The following RALGAPA2 variants were observed in gnomAD, a reference collection of about 807,000 sequenced individuals.
RALGAPA2 encodes Ral GTPase activating protein catalytic subunit alpha 2, also known as ral GTPase-activating protein subunit alpha-2.
RALGAPA2 carries 139 observed loss-of-function variants against 230.4 expected under a neutral mutation model. The ratio of observed to expected loss-of-function variants is 0.60; its 90% confidence interval spans 0.53 to 0.69. The LOEUF (loss-of-function observed/expected upper bound fraction) is 0.69. Ranked by LOEUF, RALGAPA2 falls within the 30% of genes least tolerant of loss-of-function variation. The probability of loss-of-function intolerance (pLI) is 0.00; values close to 1 mark genes in which losing one functional copy is unlikely to be tolerated. For synonymous variants in RALGAPA2, 847 were observed against 837.8 expected (o/e 1.01, Z -0.19); for missense variants, 2,163 against 2,276.0 (o/e 0.95, Z 1.01).
chr20:20,619,653 GT>G (rs1411976729), intron 11 of RALGAPA2, among the ~76,000 whole-genome samples: 3 of 152,172 alleles, frequency 2.0e-5, no homozygotes, highest in South Asian at 4.1e-4. Context: ...AATGAGTTGT[GT>G]TTGTCCAATG....
intron 7 of RALGAPA2, among the ~76,000 whole-genome samples, chr20:20,639,009 C>T (rs933570003): frequency 6.6e-6 from 1 of 152,146 alleles, no homozygotes; most frequent in African/African-American, 2.4e-5. Context: ...TAAATCCCCT[C>T]GAAGAATGAG....
At chr20:20,553,516 C>T (rs1356815252) in intron 23 of RALGAPA2, among the ~76,000 whole-genome samples, 1 of 152,086 alleles carries the variant, frequency 6.6e-6, no homozygotes, top group Non-Finnish European at 1.5e-5. Flanking sequence ...TGTAAGACTG[C>T]ATTCCAGCCC....
intron 10 of RALGAPA2, among the ~76,000 whole-genome samples, chr20:20,628,538 T>C (rs1466041040): frequency 2.0e-5 from 3 of 151,626 alleles, no homozygotes; most frequent in Non-Finnish European, 4.4e-5. Context: ...GTACTGAGTT[T>C]CTCCACAGCA....
chr20:20,696,151 G>A (rs937022808), intron 1 of RALGAPA2, among the ~76,000 whole-genome samples: 13 of 152,056 alleles, frequency 8.5e-5, no homozygotes, highest in Admixed American at 2.6e-4. Flanking sequence ...AAGTGTTTCC[G>A]TCCTGTCTTC....
At chr20:20,453,541 G>A (rs902902586) in intron 37 of RALGAPA2, among the ~76,000 whole-genome samples, 3 of 152,020 alleles carry the variant, frequency 2.0e-5, no homozygotes, top group Non-Finnish European at 4.4e-5. Flanking sequence ...GCTCTTTTCC[G>A]CTGAAAGTCG....
At position 20,390,755 on chromosome 20, in the gene RALGAPA2, C is replaced by T. The variant is rs2059589913; in HGVS notation, c.*2534G>A. On this transcript the variant is annotated 3_prime_UTR_variant, in exon 40 of 40. Transcript: ENST00000202677. ...CCACCCCAGATAACAAAAACAACTCCAGTCCACGTGATCACGAGAAACGTG... is the reference window on the plus strand; with the variant it reads ...CCACCCCAGATAACAAAAACAACTCTAGTCCACGTGATCACGAGAAACGTG... 2 of 152,182 alleles carry T rather than the reference C, an allele frequency of 1.3e-5. No individual in the cohort carries two copies. The highest frequency in any genetic ancestry group is 4.8e-5 in the African/African-American group (2 of 41,426). The allele number at this position is 152,182 out of a possible 1,614,324, so 9.4% of individuals were successfully genotyped here.
chr20:20,618,026 AT>A (rs902037735), intron 12 of RALGAPA2, among the ~76,000 whole-genome samples: 17 of 152,082 alleles, frequency 1.1e-4, no homozygotes, highest in Admixed American at 3.3e-4. Flanking sequence ...ATATAAAAAA[AT>A]TTTTTTTCTC....
chr20:20,595,475 C>T (rs2065422979), intron 16 of RALGAPA2, among the ~76,000 whole-genome samples: 1 of 152,174 alleles, frequency 6.6e-6, no homozygotes, highest in Non-Finnish European at 1.5e-5. Context: ...TTCCTAGAAG[C>T]ACACAAACCA....
intron 11 of RALGAPA2, among the ~76,000 whole-genome samples, chr20:20,620,197 C>T (rs2066277839): frequency 6.6e-6 from 1 of 152,196 alleles, no homozygotes; most frequent in Non-Finnish European, 1.5e-5. Context: ...GCTTATTAAA[C>T]AACTCTCCTG....
Position 20,585,094 on chromosome 20 carries a change from GAT to G in RALGAPA2, c.2440-141_2440-140del. ...ATAAATTGATGTTTTCCATTTGAAG[GAT>G]ATGTTTTCACAAATCACTATATTTA... On this transcript the variant is annotated intron_variant, in intron 18 of 39. Transcript: ENST00000202677. The G allele has an allele frequency of 1.9e-5, 10 of 523,680 alleles. No individual in the cohort carries two copies. The South Asian group carries it at 3.3e-4, about 17-fold the overall frequency. The allele number at this position is 523,680 out of a possible 1,614,324, so 32.4% of individuals were successfully genotyped here.
intron 36 of RALGAPA2, among the ~76,000 whole-genome samples, chr20:20,475,673 C>G (rs1169849655): frequency 6.6e-6 from 1 of 152,014 alleles, no homozygotes; most frequent in Non-Finnish European, 1.5e-5. Context: ...TAAAAGAGAT[C>G]TGAAAAGGCA....
intron 14 of RALGAPA2, among the ~76,000 whole-genome samples, chr20:20,609,495 GT>G (rs965617920): frequency 5.9e-5 from 9 of 151,516 alleles, no homozygotes; most frequent in South Asian, 4.2e-4. Flanking sequence ...CATGGGGGGA[GT>G]TTTTTTTTCC....
chr20:20,591,800 G>A, intron 16 of RALGAPA2, among the ~76,000 whole-genome samples: 1 of 152,114 alleles, frequency 6.6e-6, no homozygotes. Context: ...AAAATAAAAT[G>A]CTATAGTTAT....
chr20:20,532,129 A>C (rs2063383003), intron 26 of RALGAPA2, among the ~76,000 whole-genome samples: 2 of 152,230 alleles, frequency 1.3e-5, no homozygotes, highest in African/African-American at 4.8e-5. Context: ...TTTGAGGAAG[A>C]ATAAGAAACA....
intron 3 of RALGAPA2, among the ~76,000 whole-genome samples, chr20:20,666,481 C>G (rs907011821): frequency 2.0e-5 from 3 of 152,190 alleles, no homozygotes; most frequent in African/African-American, 7.2e-5. Flanking sequence ...ACTCAAAAAC[C>G]GTGAAGTGGC....
chr20:20,582,526 C>T (rs559813813), intron 20 of RALGAPA2, among the ~76,000 whole-genome samples: 5 of 151,972 alleles, frequency 3.3e-5, no homozygotes, highest in South Asian at 2.1e-4. Flanking sequence ...TTGACACACA[C>T]GGTAAAACTA....
chr20:20,548,282 T>C (rs574778882), intron 23 of RALGAPA2, among the ~76,000 whole-genome samples: 20 of 152,338 alleles, frequency 1.3e-4, no homozygotes, highest in African/African-American at 4.8e-4. Flanking sequence ...ACATGTTCAG[T>C]CTGTCATAAT....
chr20:20,617,916 T>C (rs927529824), intron 12 of RALGAPA2, among the ~76,000 whole-genome samples: 1 of 152,178 alleles, frequency 6.6e-6, no homozygotes, highest in Non-Finnish European at 1.5e-5. Context: ...TAGCACTATA[T>C]ATAATAAAAT....
intron 37 of RALGAPA2, among the ~76,000 whole-genome samples, chr20:20,418,033 C>T (rs148348737): frequency 2.5e-4 from 38 of 152,286 alleles, no homozygotes; most frequent in African/African-American, 7.2e-4. Context: ...ACTGGTACAT[C>T]TGACCACATT....
Sources: gnomAD v4.1 joint callset for allele counts (sites outside exome capture counted in the v4.1 genomes callset) on GRCh38, gnomAD v4.1.1 for gene constraint, MANE v1.5 for transcripts, NCBI Gene and HGNC (gene_info 2026-07-23, HGNC 2026-07-21) for gene names.